RHOU: variants seen among roughly 807,000 people sequenced by gnomAD.
RHOU encodes the protein ras homolog family member U.
Under a neutral mutation model 12.6 loss-of-function variants are expected in RHOU, and 8 were observed. The ratio of observed to expected loss-of-function variants is 0.64; its 90% CI spans 0.37 to 1.15. The LOEUF (loss-of-function observed/expected upper bound fraction) is 1.15. Ranked by LOEUF, RHOU falls within the 50% of genes most tolerant of loss-of-function variation. The pLI is 0.01. For synonymous variants in RHOU, 161 were observed against 147.4 expected (o/e 1.09, Z -0.67); for missense variants, 258 against 347.0 (o/e 0.74, Z 2.04).
chr1:228,732,404 G>C (rs1662514341), upstream of RHOU, among the ~76,000 whole-genome samples: 1 of 152,144 alleles, frequency 6.6e-6, no homozygotes, highest in African/African-American at 2.4e-5. Flanking sequence ...TGATTAAGTC[G>C]AGCCCAGAAA....
chr1:228,650,380 C>T, the RHOU span: 3 of 459,484 alleles, frequency 6.5e-6, no homozygotes, highest in African/African-American at 4.0e-5. Context: ...CAACATCAAC[C>T]TCTATTCACT....
chr1:228,674,087 T>G, the RHOU span, among the ~76,000 whole-genome samples: 2 of 152,220 alleles, frequency 1.3e-5, no homozygotes, highest in Non-Finnish European at 2.9e-5. Flanking sequence ...GTGGAAGTGT[T>G]GTGGTTTTAA....
chr1:228,699,708 C>A, the RHOU span, among the ~76,000 whole-genome samples: 1 of 142,844 alleles, frequency 7.0e-6, no homozygotes, highest in Non-Finnish European at 1.5e-5. Flanking sequence ...TGTTTTATAA[C>A]GTGTCTAGTG....
the RHOU span, among the ~76,000 whole-genome samples, chr1:228,718,551 A>G: frequency 6.6e-6 from 1 of 152,312 alleles, no homozygotes; most frequent in South Asian, 2.1e-4. Context: ...GCTGAGCTTC[A>G]GTAAGCATCA....
At chr1:228,659,084 AC>A in the RHOU span, among the ~76,000 whole-genome samples, 1 of 152,168 alleles carries the variant, frequency 6.6e-6, no homozygotes, top group Non-Finnish European at 1.5e-5. Flanking sequence ...TTTTAAAAAA[AC>A]AAAAAACAAA....
At chr1:228,650,936 A>G in the RHOU span, 1 of 366,538 alleles carries the variant, frequency 2.7e-6, no homozygotes, top group Non-Finnish European at 5.3e-6. Context: ...CATGGCTGAC[A>G]TTAGCTCTCA....
chr1:228,709,823 A>G, the RHOU span, among the ~76,000 whole-genome samples: 1 of 152,280 alleles, frequency 6.6e-6, no homozygotes, highest in Non-Finnish European at 1.5e-5. Flanking sequence ...GCAGAACTGA[A>G]GGAAATAGAG....
the RHOU span, among the ~76,000 whole-genome samples, chr1:228,697,077 G>A: frequency 6.6e-6 from 1 of 152,108 alleles, no homozygotes; most frequent in Non-Finnish European, 1.5e-5. Context: ...GGATCACATT[G>A]CCAGGCCACC....
the RHOU span, among the ~76,000 whole-genome samples, chr1:228,675,915 A>G: frequency 2.6e-5 from 4 of 152,160 alleles, no homozygotes; most frequent in Admixed American, 1.3e-4. Flanking sequence ...TCCAGAGAAC[A>G]GAGGAGAAAC....
At chr1:228,660,831 G>A in the RHOU span, among the ~76,000 whole-genome samples, 3 of 151,660 alleles carry the variant, frequency 2.0e-5, no homozygotes, top group African/African-American at 7.3e-5. Flanking sequence ...TAGTCAGGAG[G>A]CTGAGGCAGG....
chr1:228,697,689 C>G, the RHOU span, among the ~76,000 whole-genome samples: 1 of 152,210 alleles, frequency 6.6e-6, no homozygotes, highest in East Asian at 1.9e-4. Context: ...TCTGTAGTCA[C>G]TGTTCTCAGG....
intron 1 of RHOU, among the ~76,000 whole-genome samples, chr1:228,736,874 G>C (rs940903310): frequency 6.6e-6 from 1 of 152,060 alleles, no homozygotes. Flanking sequence ...CATCCCAAAG[G>C]TACCTTAGAG....
the RHOU span, among the ~76,000 whole-genome samples, chr1:228,723,092 C>T: frequency 6.6e-6 from 1 of 152,220 alleles, no homozygotes; most frequent in South Asian, 2.1e-4. Context: ...TTCTATCTGG[C>T]AGCCTGAGTT....
the RHOU span, among the ~76,000 whole-genome samples, chr1:228,720,872 C>A: frequency 2.0e-5 from 3 of 152,166 alleles, no homozygotes; most frequent in Non-Finnish European, 2.9e-5. Flanking sequence ...GGCCCCGCAC[C>A]CCTACCAGAT....
At chr1:228,683,418 A>C in the RHOU span, among the ~76,000 whole-genome samples, 2 of 152,138 alleles carry the variant, frequency 1.3e-5, no homozygotes, top group African/African-American at 4.8e-5. Context: ...CTTACTTAGG[A>C]GATAGGATCA....
chr1:228,726,575 G>GAA, the RHOU span, among the ~76,000 whole-genome samples: 2 of 151,480 alleles, frequency 1.3e-5, no homozygotes, highest in African/African-American at 2.4e-5. Context: ...TGAGGCAGGA[G>GAA]AATTGCTTGA....
chr1:228,657,671 G>A, the RHOU span, among the ~76,000 whole-genome samples: 1 of 152,120 alleles, frequency 6.6e-6, no homozygotes, highest in African/African-American at 2.4e-5. Context: ...CAATAAATCA[G>A]CTAAATCTGG....
chr1:228,672,865 A>C, the RHOU span, among the ~76,000 whole-genome samples: 2 of 152,156 alleles, frequency 1.3e-5, no homozygotes, highest in African/African-American at 4.8e-5. Flanking sequence ...ACTGAGACAA[A>C]GTCAATGAAT....
the RHOU span, among the ~76,000 whole-genome samples, chr1:228,701,629 C>T: frequency 6.6e-6 from 1 of 151,986 alleles, no homozygotes; most frequent in Non-Finnish European, 1.5e-5. Flanking sequence ...ATGCAGATTT[C>T]ATAAATGTTT....
Sources: allele counts gnomAD v4.1 joint callset (sites outside exome capture counted in the v4.1 genomes callset), GRCh38; gene constraint gnomAD v4.1.1; transcripts MANE v1.5; gene names NCBI Gene and HGNC (gene_info 2026-07-23, HGNC 2026-07-21).